The following RHOD variants were observed in gnomAD, a reference collection of about 807,000 sequenced individuals.
The protein encoded by RHOD is rho-related GTP-binding protein RhoD.
Under a neutral mutation model 16.7 loss-of-function variants are expected in RHOD, and 11 were observed. The ratio of observed to expected loss-of-function variants is 0.66; its 90% confidence interval spans 0.41 to 1.09. The LOEUF is 1.09. RHOD is among the 50% of genes least tolerant of loss of function. The pLI, the probability that RHOD is intolerant of heterozygous loss-of-function variation, is 0.00. For synonymous variants in RHOD, 124 were observed against 126.3 expected, an observed-to-expected ratio of 0.98 and a Z score of 0.12; for missense variants, 271 against 291.7, an observed-to-expected ratio of 0.93 and a Z score of 0.52.
At chr11:67,062,856 G>T (rs1044061619) in intron 1 of RHOD, among the ~76,000 whole-genome samples, 1 of 152,228 alleles carries the variant, frequency 6.6e-6, no homozygotes, top group African/African-American at 2.4e-5. Flanking sequence ...AAGAGCGGGC[G>T]GCCCAGCATC....
At chr11:67,059,671 A>T (rs1331428320) in intron 1 of RHOD, among the ~76,000 whole-genome samples, 1 of 152,184 alleles carries the variant, frequency 6.6e-6, no homozygotes, top group Non-Finnish European at 1.5e-5. Context: ...CCAGAGGCTT[A>T]CCTGGGGGCA....
chr11:67,063,327 C>T (rs991969991), intron 1 of RHOD, among the ~76,000 whole-genome samples: 9 of 151,482 alleles, frequency 5.9e-5, no homozygotes, highest in Non-Finnish European at 1.3e-4. Context: ...CCTGTCTCTA[C>T]GAAAAAAGAA....
chr11:67,066,568 C>T (rs1009535411), intron 2 of RHOD, among the ~76,000 whole-genome samples, 170 bp from the exon 3 acceptor site: 2 of 152,272 alleles, frequency 1.3e-5, no homozygotes, highest in African/African-American at 2.4e-5. Flanking sequence ...CCCAAAGGGG[C>T]ACTCACATGG....
chr11:67,063,967 A>T (rs1854924912), intron 1 of RHOD, among the ~76,000 whole-genome samples: 1 of 147,174 alleles, frequency 6.8e-6, no homozygotes, highest in South Asian at 2.2e-4. Flanking sequence ...TTAGCCGGGT[A>T]TGGTGGCACA....
At chr11:67,068,637 G>A (rs545642285) in intron 3 of RHOD, among the ~76,000 whole-genome samples, 2 of 152,180 alleles carry the variant, frequency 1.3e-5, no homozygotes, top group South Asian at 2.1e-4. Context: ...GTGAAACCCC[G>A]TTGCTACTAA....
intron 1 of RHOD, among the ~76,000 whole-genome samples, chr11:67,059,680 C>T (rs1854862546): frequency 6.6e-6 from 1 of 152,170 alleles, no homozygotes; most frequent in Non-Finnish European, 1.5e-5. Context: ...TACCTGGGGG[C>T]ACATGGCCCG....
Position 67,070,581 on chromosome 11 carries a change from G to A in RHOD, c.465+22G>A, listed in dbSNP as rs1350101703. The A allele has an allele frequency of 2.5e-6, 4 of 1,613,250 alleles. No homozygotes were observed. The African/African-American group carries it at 5.3e-5, about 22-fold the overall frequency. ...CAGGGTAGGAAACCCAGCCCGAGGT[G>A]GGAGTTGGGGAGGACTGAGTGAGGG... On this transcript the variant is annotated intron_variant, in intron 4 of 4. Transcript: ENST00000308831.
Position 67,071,650 on chromosome 11 carries a change from T to C in RHOD, c.*48T>C. ...CGCGGGAAGGGGCAGGGCGCTGACC[T>C]GCTGCTGAGCTGGCTGGGCTGGACC... is the stretch of plus-strand genomic sequence containing the variant. On this transcript the variant is annotated 3_prime_UTR_variant, in exon 5 of 5. Transcript: ENST00000308831. 1 of 1,510,338 alleles carries C rather than the reference T, an allele frequency of 6.6e-7. No individual in the cohort carries two copies. Among genetic ancestry groups the C allele is most frequent in the Non-Finnish European group, 8.9e-7 (1 of 1,124,010 alleles). The allele number at this position is 1,510,338 out of a possible 1,614,324, so 93.6% of individuals were successfully genotyped here. A position where few individuals can be genotyped will look rare whatever the true frequency, so the allele number is the denominator to read the frequency against.
intron 1 of RHOD, among the ~76,000 whole-genome samples, chr11:67,060,305 C>G (rs1251136975): frequency 6.6e-6 from 1 of 152,250 alleles, no homozygotes; most frequent in Non-Finnish European, 1.5e-5. Context: ...AGACCTGAGC[C>G]TGAGTCATCT....
In RHOD at chr11:67,056,926, T is replaced by TCC. The variant is rs1424345514; in HGVS notation, c.24_25insCC (p.Glu9ProfsTer27). Reference sequence around the variant, plus strand: ...GGATGACGGCGGCCCAGGCCGCGGGTGAGGAGGCGCCACCAGGCGTGCGGT... The same window carrying TCC: ...GGATGACGGCGGCCCAGGCCGCGGGTCCGAGGAGGCGCCACCAGGCGTGCGGT... On this transcript the variant is annotated frameshift_variant, in exon 1 of 5. Coordinates refer to ENST00000308831, the MANE Select transcript of RHOD (RefSeq NM_014578.4). LOFTEE classifies it high-confidence loss of function. 5.4e-6 allele frequency: 8 copies of TCC among 1,472,076 alleles called. No individual in the cohort carries two copies. The highest frequency in any genetic ancestry group is 7.1e-6 in the Non-Finnish European group (8 of 1,120,312). The allele number at this position is 1,472,076 out of a possible 1,614,324, so 91.2% of individuals were successfully genotyped here. A position where few individuals can be genotyped will look rare whatever the true frequency, so the allele number is the denominator to read the frequency against.
intron 3 of RHOD, among the ~76,000 whole-genome samples, chr11:67,069,533 A>T (rs1353573856): frequency 6.6e-6 from 1 of 151,086 alleles, no homozygotes; most frequent in Non-Finnish European, 1.5e-5. Context: ...TAATTTTTGT[A>T]TTTTTAGTAG....
chr11:67,062,964 TG>T (rs1389911450), intron 1 of RHOD, among the ~76,000 whole-genome samples: 1 of 152,216 alleles, frequency 6.6e-6, no homozygotes, highest in African/African-American at 2.4e-5. Context: ...GTACAAAACC[TG>T]GCCTGCTGCC....
At chr11:67,061,774 A>ATATATATG (rs1555071110) in intron 1 of RHOD, among the ~76,000 whole-genome samples, 2 of 136,432 alleles carry the variant, frequency 1.5e-5, no homozygotes, top group African/African-American at 5.6e-5. Context: ...ATATATATAT[A>ATATATATG]TGTGTGTGTG....
chr11:67,067,196 C>G (rs1177020855), intron 3 of RHOD, among the ~76,000 whole-genome samples: 1 of 152,194 alleles, frequency 6.6e-6, no homozygotes, highest in Non-Finnish European at 1.5e-5. Flanking sequence ...TGTGCCCGCC[C>G]AAGGTGCATG....
At chr11:67,070,674 C>T (rs2298459) in intron 4 of RHOD, 115 bp downstream of exon 4, 19,157 of 1,270,462 alleles carry the variant, frequency 0.015, 188 homozygotes, top group East Asian at 0.04. Context: ...GAGCTGCGGT[C>T]GTCTTAGAGG....
At chr11:67,065,378 C>A (rs892180584) in intron 1 of RHOD, among the ~76,000 whole-genome samples, 1 of 151,614 alleles carries the variant, frequency 6.6e-6, no homozygotes, top group Non-Finnish European at 1.5e-5. Context: ...CCGGCCTTTT[C>A]GTTGTTGTTG....
chr11:67,071,701 C>T lies in RHOD; in HGVS notation c.*99C>T. 1 of 1,252,138 alleles carries T rather than the reference C, an allele frequency of 8.0e-7. No homozygotes were observed. The highest frequency in any genetic ancestry group is 1.1e-6 in the Non-Finnish European group (1 of 928,250). 77.6% of individuals were successfully genotyped at this position (1,252,138 alleles called of 1,614,324 possible). ...CGGTCCCTAGGCTGTGACCGCCGAA[C>T]TCCACTGCAACAGACGGGCGCCACC... is the stretch of plus-strand genomic sequence containing the variant. On this transcript the variant is annotated 3_prime_UTR_variant, in exon 5 of 5. Coordinates refer to ENST00000308831, the MANE Select transcript of RHOD (RefSeq NM_014578.4).
At chr11:67,057,102 A>G in intron 1 of RHOD, 68 bp downstream of exon 1, 3 of 1,351,884 alleles carry the variant, frequency 2.2e-6, no homozygotes, top group South Asian at 3.6e-5. Context: ...TCCGTGCCGG[A>G]GCGGCCCAGG....
chr11:67,058,571 A>G (rs982076720), intron 1 of RHOD, among the ~76,000 whole-genome samples: 1 of 152,122 alleles, frequency 6.6e-6, no homozygotes, highest in East Asian at 1.9e-4. Flanking sequence ...TCGGCCTCCC[A>G]AAGTGCTAGG....
Sources: allele counts gnomAD v4.1 joint callset (sites outside exome capture counted in the v4.1 genomes callset), GRCh38; gene constraint gnomAD v4.1.1; transcripts MANE v1.5; gene names NCBI Gene and HGNC (gene_info 2026-07-23, HGNC 2026-07-21).